The following UGGT2 variants were observed in gnomAD, a reference collection of about 807,000 sequenced individuals.
UGGT2 encodes the protein UDP-glucose glycoprotein glucosyltransferase 2.
Under a neutral mutation model 192.1 loss-of-function variants are expected in UGGT2, and 180 were observed. The ratio of observed to expected loss-of-function variants is 0.94; its 90% CI spans 0.83 to 1.06. UGGT2 has a LOEUF of 1.06. Among genes scored for constraint, UGGT2 ranks in the 50% least tolerant of loss-of-function variants. The probability of loss-of-function intolerance (pLI) is 0.00; values close to 1 mark genes in which losing one functional copy is unlikely to be tolerated. For missense variants in UGGT2, 1,849 were observed against 1,795.7 expected, an observed-to-expected ratio of 1.03 and a Z score of -0.54; for synonymous variants, 580 against 591.0, an observed-to-expected ratio of 0.98 and a Z score of 0.27.
At chr13:95,901,251 T>C (rs544363896) in intron 21 of UGGT2, among the ~76,000 whole-genome samples, 268 of 152,078 alleles carry the variant, frequency 1.8e-3, no homozygotes, top group Non-Finnish European at 2.9e-3. Context: ...GAAAATGAAA[T>C]TAAATATTTA....
chr13:95,868,968 T>C (rs372060462), intron 29 of UGGT2, among the ~76,000 whole-genome samples: 49 of 151,950 alleles, frequency 3.2e-4, no homozygotes, highest in African/African-American at 1.0e-3. Flanking sequence ...ATGTGCCATG[T>C]TGGTGTGCTG....
At chr13:95,964,298 A>T (rs948557536) in intron 12 of UGGT2, among the ~76,000 whole-genome samples, 9 of 152,200 alleles carry the variant, frequency 5.9e-5, no homozygotes, top group African/African-American at 1.7e-4. Flanking sequence ...ACCATCACTT[A>T]CCATGTACAG....
intron 20 of UGGT2, among the ~76,000 whole-genome samples, chr13:95,924,426 A>ATTTTTTTTTTTTT (rs2048955414): frequency 8.5e-5 from 3 of 35,420 alleles, no homozygotes; most frequent in Non-Finnish European, 1.2e-4. Context: ...TTTTTTTTTG[A>ATTTTTTTTTTTTT]AATTTTCCGG....
intron 38 of UGGT2, among the ~76,000 whole-genome samples, chr13:95,807,645 C>A (rs960447663): frequency 6.8e-6 from 1 of 146,550 alleles, no homozygotes; most frequent in Non-Finnish European, 1.5e-5. Flanking sequence ...TCTGTTAATT[C>A]TTCTGGTGTG....
At chr13:95,998,877 C>A (rs958868834) in intron 6 of UGGT2, among the ~76,000 whole-genome samples, 1 of 152,142 alleles carries the variant, frequency 6.6e-6, no homozygotes, top group Non-Finnish European at 1.5e-5. Flanking sequence ...CTATGCCAGT[C>A]ACCTCTAGCA....
chr13:96,039,975 A>C (rs984499927), intron 1 of UGGT2, among the ~76,000 whole-genome samples: 2 of 152,122 alleles, frequency 1.3e-5, no homozygotes, highest in Non-Finnish European at 2.9e-5. Context: ...ATGCCCTTTA[A>C]TCTCTTCTAA....
chr13:95,949,363 G>T lies in UGGT2; in HGVS notation c.1427C>A (p.Pro476His), dbSNP rs2049985208. ...ATTATGAAAATTGCGCCTTATGGAA[G>T]GTACACTTCCAGGAAATACTGGCTT... ...LLKPVFPGSVPSIRRNFHNLV... is the reference protein window; with the variant it reads ...LLKPVFPGSVHSIRRNFHNLV... The change falls in exon 13 of 39, where the codon CCT becomes CAT. Residue 476 changes from proline (P) to histidine (H), a missense_variant. Coordinates refer to ENST00000376747, the MANE Select transcript of UGGT2 (RefSeq NM_020121.4). The T allele has an allele frequency of 6.4e-7, 1 of 1,568,346 alleles. No homozygotes were observed. Among genetic ancestry groups the T allele is most frequent in the Non-Finnish European group, 8.6e-7 (1 of 1,156,418 alleles).
chr13:96,036,706 C>A (rs562000527), intron 1 of UGGT2, among the ~76,000 whole-genome samples: 4 of 152,146 alleles, frequency 2.6e-5, no homozygotes, highest in African/African-American at 4.8e-5. Context: ...ATCCTTGAGA[C>A]CATCTAAACC....
At chr13:95,820,214 G>A (rs1389351839) in intron 38 of UGGT2, among the ~76,000 whole-genome samples, 2 of 152,030 alleles carry the variant, frequency 1.3e-5, no homozygotes, top group Non-Finnish European at 2.9e-5. Context: ...TACTTTTTAT[G>A]ACACTATAGA....
chr13:95,854,754 C>T (rs926283682), intron 34 of UGGT2, among the ~76,000 whole-genome samples: 7 of 152,062 alleles, frequency 4.6e-5, no homozygotes, highest in Admixed American at 6.6e-5. Context: ...AGTCATTTTA[C>T]GAATCAGACA....
At chr13:95,896,623 T>A (rs1202030625) in intron 22 of UGGT2, among the ~76,000 whole-genome samples, 1 of 152,068 alleles carries the variant, frequency 6.6e-6, no homozygotes, top group African/African-American at 2.4e-5. Context: ...GTTAACTACA[T>A]TGGCTATCTT....
rs566557723 is a variant in UGGT2, at chr13:95,935,609, G to A, written c.1977+1315C>T. Among the ~76,000 whole-genome samples the A allele has an allele frequency of 2.3e-3, 355 of 152,136 alleles. 2 individuals are homozygous for A. The highest frequency in any genetic ancestry group is 3.5e-3 in the Non-Finnish European group (236 of 68,008). On this transcript the variant is annotated intron_variant, in intron 17 of 38. Transcript: ENST00000376747. ...GGACAGTTTGGTGACTATAAGCCTT[G>A]GTGATGCTGACCTTGTATAGTATCT...
intron 1 of UGGT2, among the ~76,000 whole-genome samples, chr13:96,041,942 T>C (rs1471175512): frequency 6.6e-6 from 1 of 151,690 alleles, no homozygotes; most frequent in Non-Finnish European, 1.5e-5. Flanking sequence ...CTACTCACCA[T>C]GGTAGCTGAA....
At chr13:95,838,111 C>T (rs1319806534) in intron 36 of UGGT2, among the ~76,000 whole-genome samples, 5 of 152,176 alleles carry the variant, frequency 3.3e-5, no homozygotes, top group African/African-American at 1.2e-4. Flanking sequence ...AGCAATGTTA[C>T]AAGATAAAAA....
rs559199499 is a variant in UGGT2, at chr13:96,049,903, C to T, written c.158+3252G>A. The stretch of plus-strand genomic sequence containing the variant: ...CAGTATCGTGAAAACGGCCATACTG[C>T]CCAAGGTAATTTATAGATTCAATGC... On this transcript the variant is annotated intron_variant, in intron 1 of 38. Coordinates refer to ENST00000376747, the MANE Select transcript of UGGT2 (RefSeq NM_020121.4). 8.3e-4 allele frequency among the ~76,000 whole-genome samples: 126 copies of T among 152,268 alleles called. 1 individual carries two copies. Among genetic ancestry groups the T allele is most frequent in the Non-Finnish European group, 1.0e-3 (71 of 68,024 alleles).
Position 96,028,142 on chromosome 13 carries a change from TCCTAC to T in UGGT2, c.241+3742_241+3746del, listed in dbSNP as rs545385196. Among the ~76,000 whole-genome samples, 23 of 152,356 alleles carry T rather than the reference TCCTAC, an allele frequency of 1.5e-4. No individual in the cohort carries two copies. In the South Asian group the frequency reaches 4.8e-3, roughly 32 times the overall value. ...GTTTTTCATATTGATCACTCTGAAA[TCCTAC>T]CCTTTATCCTATAATTTATTTTATC... On this transcript the variant is annotated intron_variant, in intron 2 of 38. Transcript: ENST00000376747.
At chr13:95,839,775 C>A (rs114676388) in intron 36 of UGGT2, among the ~76,000 whole-genome samples, 246 of 152,224 alleles carry the variant, frequency 1.6e-3, no homozygotes, top group African/African-American at 5.5e-3. Flanking sequence ...GTTCCATTTT[C>A]TCCATATCCT....
intron 12 of UGGT2, among the ~76,000 whole-genome samples, chr13:95,950,490 AAACCTT>A (rs2050023705): frequency 6.6e-6 from 1 of 151,754 alleles, no homozygotes; most frequent in Non-Finnish European, 1.5e-5. Flanking sequence ...ATACCAGAAC[AAACCTT>A]AGCTCTTTGC....
intron 16 of UGGT2, among the ~76,000 whole-genome samples, chr13:95,937,820 G>A (rs192668003): frequency 6.6e-6 from 1 of 152,240 alleles, no homozygotes; most frequent in East Asian, 1.9e-4. Flanking sequence ...ATATAGCAAG[G>A]GAAGTAAGAG....
Sources: gnomAD v4.1 joint callset for allele counts (sites outside exome capture counted in the v4.1 genomes callset) on GRCh38, gnomAD v4.1.1 for gene constraint, MANE v1.5 for transcripts, NCBI Gene and HGNC (gene_info 2026-07-23, HGNC 2026-07-21) for gene names.